The following EML4 variants were observed in gnomAD, a reference collection of about 807,000 sequenced individuals.
EML4 encodes the protein echinoderm microtubule-associated protein-like 4.
EML4 carries 72 observed loss-of-function variants against 129.0 expected under a neutral mutation model. The observed-to-expected ratio is 0.56, with a 90% CI of 0.46 to 0.68. The LOEUF is 0.68. Among genes scored for constraint, EML4 ranks in the 30% least tolerant of loss-of-function variants. The pLI is 0.00. For missense variants in EML4, 1,363 were observed against 1,190.6 expected (o/e 1.14, Z -2.13); for synonymous variants, 532 against 405.0 (o/e 1.31, Z -3.77).
In EML4 at chr2:42,303,214, C is replaced by T; in HGVS notation, c.1752C>T (p.Phe584=). The change falls in exon 15 of 23, where the codon TTC becomes TTT. Residue 584 remains phenylalanine (F), a synonymous_variant. Transcript: ENST00000318522. The part of the protein sequence containing the change: ...FILRGTFNDG[F]QIEVQGHTDE... The stretch of plus-strand genomic sequence containing the variant: ...TACGAGGAACATTTAATGATGGCTT[C>T]CAAATAGAAGTACAGGTAAGCTGTG... 6.2e-7 allele frequency: 1 copy of T among 1,614,064 alleles called. No individual in the cohort carries two copies. The highest frequency in any genetic ancestry group is 8.5e-7 in the Non-Finnish European group (1 of 1,180,012).
chr2:42,275,108 T>G (rs1666584937), intron 6 of EML4, among the ~76,000 whole-genome samples: 1 of 152,204 alleles, frequency 6.6e-6, no homozygotes, highest in African/African-American at 2.4e-5. Flanking sequence ...ATAACGCATA[T>G]GTAATTGAAA....
At chr2:42,199,346 G>C (rs1295244885) in intron 1 of EML4, among the ~76,000 whole-genome samples, 2 of 152,172 alleles carry the variant, frequency 1.3e-5, no homozygotes, top group Admixed American at 1.3e-4. Flanking sequence ...GCTAATGGTG[G>C]CTGAAAAGGT....
rs1186665584 is a variant in EML4, at chr2:42,326,170, C to T, written c.2259C>T (p.Gly753=). The T allele has an allele frequency of 6.2e-7, 1 of 1,613,614 alleles. No homozygotes were observed. Among genetic ancestry groups the T allele is most frequent in the Admixed American group, 1.7e-5 (1 of 59,974 alleles). Residue 753 remains glycine, a synonymous_variant, in exon 21 of 23, where the codon GGC becomes GGT. Coordinates refer to ENST00000318522, the MANE Select transcript of EML4 (RefSeq NM_019063.5). ...YEILYWDIPN[G]CKLIRNRSDC... ...AATTTAAAGGGGACATTCCAAATGG[C>T]TGCAAACTAATCAGGAATCGATCGG... is the stretch of plus-strand genomic sequence containing the variant.
In EML4 at chr2:42,225,816, A is replaced by G. The variant is rs942789990; in HGVS notation, c.26-19689A>G. Among the ~76,000 whole-genome samples, 8 of 152,168 alleles carry G rather than the reference A, an allele frequency of 5.3e-5. No individual in the cohort carries two copies. In the East Asian group the frequency reaches 7.7e-4, roughly 15 times the overall value. ...TAGGCAATATTGACATATTTCTTACATATGTTAATTTTCTCAATTTTTCAG... is the reference window on the plus strand; with the variant it reads ...TAGGCAATATTGACATATTTCTTACGTATGTTAATTTTCTCAATTTTTCAG... On this transcript the variant is annotated intron_variant, in intron 1 of 22. Coordinates refer to ENST00000318522, the MANE Select transcript of EML4 (RefSeq NM_019063.5).
chr2:42,281,399 A>G (rs1272979747), intron 7 of EML4, among the ~76,000 whole-genome samples: 1 of 149,162 alleles, frequency 6.7e-6, no homozygotes. Context: ...TCTCAAAAGA[A>G]AAAAAAAAAA....
intron 2 of EML4, among the ~76,000 whole-genome samples, chr2:42,248,558 T>C (rs1400060327): frequency 6.6e-6 from 1 of 152,166 alleles, no homozygotes; most frequent in Non-Finnish European, 1.5e-5. Context: ...AATTCCTATG[T>C]CTCTAAAGTG....
At position 42,188,818 on chromosome 2, in the gene EML4, G is replaced by T. The variant is rs1003300737; in HGVS notation, c.25+19182G>T. On this transcript the variant is annotated intron_variant, in intron 1 of 22. Coordinates refer to ENST00000318522, the MANE Select transcript of EML4 (RefSeq NM_019063.5). ...TGGGATTACAGGTGTGAACCGCCATGCCCAGCCTACTTTTAAAATTACTTT... is the reference window on the plus strand; with the variant it reads ...TGGGATTACAGGTGTGAACCGCCATTCCCAGCCTACTTTTAAAATTACTTT... Among the ~76,000 whole-genome samples the T allele has an allele frequency of 1.5e-4, 23 of 152,204 alleles. 1 individual carries two copies. Among genetic ancestry groups the T allele is most frequent in the African/African-American group, 5.3e-4 (22 of 41,548 alleles).
intron 2 of EML4, among the ~76,000 whole-genome samples, chr2:42,255,915 T>G (rs566020282): frequency 6.6e-6 from 1 of 152,350 alleles, no homozygotes; most frequent in Non-Finnish European, 1.5e-5. Context: ...TGTTCTCTAT[T>G]CCCAAATCTT....
chr2:42,226,332 C>G (rs1018529835), intron 1 of EML4, among the ~76,000 whole-genome samples: 2 of 151,976 alleles, frequency 1.3e-5, no homozygotes, highest in Non-Finnish European at 2.9e-5. Context: ...TTGAAGAGAT[C>G]TATTGTAAAT....
At chr2:42,243,041 G>C (rs758189372) in intron 1 of EML4, among the ~76,000 whole-genome samples, 9 of 152,106 alleles carry the variant, frequency 5.9e-5, no homozygotes, top group African/African-American at 1.7e-4. Context: ...GCCTCCCTAA[G>C]TGCTAGGATT....
At chr2:42,243,331 G>T (rs1675163548) in intron 1 of EML4, among the ~76,000 whole-genome samples, 1 of 151,496 alleles carries the variant, frequency 6.6e-6, no homozygotes, top group South Asian at 2.1e-4. Context: ...AGATCAGCTA[G>T]AATTCAGCTA....
At chr2:42,312,264 GC>G (rs144694209) in intron 17 of EML4, among the ~76,000 whole-genome samples, 13 of 150,470 alleles carry the variant, frequency 8.6e-5, no homozygotes, top group South Asian at 4.2e-4. Context: ...AAAATTCTAA[GC>G]CCCCCCCCAC....
intron 1 of EML4, among the ~76,000 whole-genome samples, chr2:42,204,306 A>C (rs574686939): frequency 3.3e-4 from 50 of 152,302 alleles, no homozygotes; most frequent in African/African-American, 9.6e-4. Context: ...AGTGGCAAAG[A>C]CAGGTTTTGA....
intron 5 of EML4, among the ~76,000 whole-genome samples, chr2:42,263,965 G>A (rs1027702841): frequency 1.3e-4 from 19 of 151,276 alleles, no homozygotes; most frequent in African/African-American, 3.9e-4. Flanking sequence ...TCTTGACCTC[G>A]TGATCCACCT....
At chr2:42,272,335 A>G (rs932626487) in intron 6 of EML4, among the ~76,000 whole-genome samples, 10 of 152,112 alleles carry the variant, frequency 6.6e-5, no homozygotes, top group African/African-American at 1.9e-4. Context: ...AAAATATTCT[A>G]TTGTTTTCCT....
chr2:42,185,752 G>A (rs1189600421), intron 1 of EML4, among the ~76,000 whole-genome samples: 2 of 152,124 alleles, frequency 1.3e-5, no homozygotes. Context: ...ATCAAGTTTG[G>A]ATTTTAGAAA....
At chr2:42,266,948 G>A (rs556762102) in intron 6 of EML4, among the ~76,000 whole-genome samples, 1 of 152,288 alleles carries the variant, frequency 6.6e-6, no homozygotes, top group East Asian at 1.9e-4. Flanking sequence ...TTTGGCTTTG[G>A]ACAATTGCAT....
intron 6 of EML4, among the ~76,000 whole-genome samples, chr2:42,272,035 G>A (rs945222695): frequency 2.0e-5 from 3 of 149,846 alleles, no homozygotes; most frequent in Non-Finnish European, 4.4e-5. Flanking sequence ...CCCGGGAGGC[G>A]GAGTTTGCAG....
At chr2:42,176,254 T>G (rs1277340775) in intron 1 of EML4, among the ~76,000 whole-genome samples, 1 of 152,222 alleles carries the variant, frequency 6.6e-6, no homozygotes, top group Non-Finnish European at 1.5e-5. Flanking sequence ...TCACCTTTTC[T>G]CATCCCTTTT....
Sources: allele counts gnomAD v4.1 joint callset (sites outside exome capture counted in the v4.1 genomes callset), GRCh38; gene constraint gnomAD v4.1.1; transcripts MANE v1.5; gene names NCBI Gene and HGNC (gene_info 2026-07-23, HGNC 2026-07-21).